The following ANKFY1 variants were observed in gnomAD, a reference collection of about 807,000 sequenced individuals.
The protein encoded by ANKFY1 is ankyrin repeat and FYVE domain-containing protein 1.
Under a neutral mutation model 128.3 loss-of-function variants are expected in ANKFY1, and 47 were observed. The ratio of observed to expected loss-of-function variants is 0.37; its 90% CI spans 0.29 to 0.47. The LOEUF is 0.47. ANKFY1 is among the 20% of genes least tolerant of loss of function. The pLI, the probability that ANKFY1 is intolerant of heterozygous loss-of-function variation, is 1.00. For synonymous variants in ANKFY1, 553 were observed against 601.6 expected, an observed-to-expected ratio of 0.92 and a Z score of 1.18; for missense variants, 1,222 against 1,510.6, an observed-to-expected ratio of 0.81 and a Z score of 3.17.
chr17:4,178,771 A>G lies in ANKFY1; in HGVS notation c.2598+86T>C. On this transcript the variant is annotated intron_variant, in intron 18 of 24. Coordinates refer to ENST00000341657, the MANE Select transcript of ANKFY1 (RefSeq NM_001330063.2). This position sits in a 1 kb window ranked among gnomAD's most constrained non-coding sequence, Gnocchi z 4.1. ...AAAACAAAGCTCTTTCCATGAGGAG[A>G]CCTGTTTAGTCGGTGACATCTGTCT... 7.7e-7 allele frequency: 1 copy of G among 1,301,562 alleles called. No homozygotes were observed. The highest frequency in any genetic ancestry group is 1.1e-6 in the Non-Finnish European group (1 of 912,542). The allele number at this position is 1,301,562 out of a possible 1,614,324, so 80.6% of individuals were successfully genotyped here.
chr17:4,186,944 A>G (rs2059622625), intron 11 of ANKFY1: 14 of 1,174,716 alleles, frequency 1.2e-5, no homozygotes, highest in Non-Finnish European at 1.4e-5. Flanking sequence ...TCCCACACAC[A>G]GGCTCCTCCT....
chr17:4,184,865 A>G lies in ANKFY1; in HGVS notation c.1652T>C (p.Ile551Thr). ...VHLQTPLHMA[I>T]AYNHPDVVSV... ...CACCACATCCGGATGGTTATAGGCGATCGCCATGTGCAGTGGCGTCTGCAG... is the reference window on the plus strand; with the variant it reads ...CACCACATCCGGATGGTTATAGGCGGTCGCCATGTGCAGTGGCGTCTGCAG... The change falls in exon 12 of 25, where the codon ATC (isoleucine) becomes ACC (threonine). Residue 551 changes from isoleucine (I) to threonine (T), a missense_variant. Ile to Thr is a moderately conservative substitution (Grantham distance 89). Transcript: ENST00000341657. 1 of 1,613,988 alleles carries G rather than the reference A, an allele frequency of 6.2e-7. No homozygotes were observed. The highest frequency in any genetic ancestry group is 8.5e-7 in the Non-Finnish European group (1 of 1,180,050).
chr17:4,211,337 C>T (rs1370331251), intron 4 of ANKFY1, among the ~76,000 whole-genome samples: 2 of 149,952 alleles, frequency 1.3e-5, no homozygotes, highest in East Asian at 3.9e-4. Flanking sequence ...GCAGAGGTTG[C>T]AGTGAGCTGA....
At chr17:4,175,346 GA>G (rs981352010) in intron 19 of ANKFY1, among the ~76,000 whole-genome samples, 7 of 130,700 alleles carry the variant, frequency 5.4e-5, no homozygotes, top group South Asian at 2.4e-4. Context: ...AAAGGAAAAA[GA>G]AAAAAAAAAG....
At chr17:4,239,953 C>T (rs1045190879) in intron 2 of ANKFY1, among the ~76,000 whole-genome samples, 5 of 152,144 alleles carry the variant, frequency 3.3e-5, no homozygotes, top group Non-Finnish European at 5.9e-5. Context: ...TTGCCACATC[C>T]AGCACCCCAA....
intron 3 of ANKFY1, among the ~76,000 whole-genome samples, chr17:4,221,044 G>C (rs1220147186): frequency 6.6e-6 from 1 of 152,238 alleles, no homozygotes; most frequent in Non-Finnish European, 1.5e-5. Flanking sequence ...CTGCAGGCCA[G>C]GATGCATGTA....
At chr17:4,198,056 G>T (rs866615199) in intron 7 of ANKFY1, among the ~76,000 whole-genome samples, 1 of 151,932 alleles carries the variant, frequency 6.6e-6, no homozygotes, top group East Asian at 1.9e-4. Flanking sequence ...TTGAACCCAG[G>T]GGGTGGAGGT....
intron 5 of ANKFY1, among the ~76,000 whole-genome samples, chr17:4,209,308 TG>T (rs901153134): frequency 1.7e-4 from 26 of 152,004 alleles, no homozygotes; most frequent in African/African-American, 5.5e-4. Flanking sequence ...CTATCTTTTT[TG>T]GGGGGGCGGG....
chr17:4,189,382 C>G lies in ANKFY1; in HGVS notation c.1470G>C (p.Trp490Cys), dbSNP rs1371958867. The change falls in exon 11 of 25, where the codon TGG becomes TGC. Residue 490 changes from tryptophan to cysteine, a missense_variant and splice_region_variant. Transcript: ENST00000341657. ...TCTCCGGCTGCCCTGTCACACTTAC[C>G]CACTTGTTTCTGTGGTTGACATGGG... ...NGAHVNHRNK[W>C]GETPLHTACR... 6.3e-7 allele frequency: 1 copy of G among 1,578,204 alleles called. No homozygotes were observed. Among genetic ancestry groups the G allele is most frequent in the African/African-American group, 1.3e-5 (1 of 74,150 alleles).
chr17:4,183,535 T>C lies in ANKFY1; in HGVS notation c.1815A>G (p.Ala605=), dbSNP rs1278559701. 6.2e-7 allele frequency: 1 copy of C among 1,612,368 alleles called. No homozygotes were observed. Among genetic ancestry groups the C allele is most frequent in the South Asian group, 1.1e-5 (1 of 90,994 alleles). ...LALWTGMHTI[A]AQLLGSGAAI... ...CGGCTCCAGAGCCCAGCAGCTGGGC[T>C]GCGATCGTGTGCATGCCTGGGAAAC... Residue 605 remains alanine (A), a synonymous_variant, in exon 14 of 25, where the codon GCA becomes GCG. Transcript: ENST00000341657.
At chr17:4,208,801 T>C (rs1249375193) in intron 5 of ANKFY1, among the ~76,000 whole-genome samples, 2 of 152,172 alleles carry the variant, frequency 1.3e-5, no homozygotes, top group African/African-American at 4.8e-5. Flanking sequence ...ACGCCTGTAC[T>C]CCCAGCACTT....
intron 3 of ANKFY1, among the ~76,000 whole-genome samples, chr17:4,235,357 A>AG (rs1358215944): frequency 6.7e-6 from 1 of 150,158 alleles, no homozygotes; most frequent in Admixed American, 6.6e-5. Flanking sequence ...AAAAAAAAAG[A>AG]AAAAAAAAGT....
At chr17:4,235,014 G>A (rs1348213276) in intron 3 of ANKFY1, among the ~76,000 whole-genome samples, 3 of 152,122 alleles carry the variant, frequency 2.0e-5, no homozygotes, top group Non-Finnish European at 4.4e-5. Context: ...TTATTCTTCA[G>A]AGTAACTATT....
intron 2 of ANKFY1, 133 bp downstream of exon 2, chr17:4,242,123 T>C (rs1967267490): frequency 4.3e-6 from 4 of 932,324 alleles, no homozygotes; most frequent in Admixed American, 3.2e-5. Context: ...TCAAGGAGCT[T>C]CTATTCTAGG....
intron 7 of ANKFY1, 34 bp downstream of exon 7, chr17:4,206,287 T>C (rs1197552857): frequency 1.3e-6 from 2 of 1,590,924 alleles, no homozygotes; most frequent in South Asian, 1.1e-5. Context: ...AAAAATAAAA[T>C]TGCCTGCAGG....
chr17:4,263,479 CCT>C, intron 1 of ANKFY1: 5 of 797,572 alleles, frequency 6.3e-6, no homozygotes, highest in Non-Finnish European at 7.3e-6. Context: ...CCCCACCCCA[CCT>C]CACCCCAACC....
At chr17:4,263,284 G>A (rs182321565) in intron 1 of ANKFY1, among the ~76,000 whole-genome samples, 3 of 152,344 alleles carry the variant, frequency 2.0e-5, no homozygotes, top group Non-Finnish European at 4.4e-5. Context: ...GGGAGGCAAA[G>A]GCACAGAGGT....
chr17:4,225,032 A>C (rs1276370602), intron 3 of ANKFY1, among the ~76,000 whole-genome samples: 1 of 149,442 alleles, frequency 6.7e-6, no homozygotes, highest in African/African-American at 2.5e-5. Flanking sequence ...ACACTTGAAA[A>C]ATTAAAGGAT....
chr17:4,199,598 T>C (rs929646944), intron 7 of ANKFY1, among the ~76,000 whole-genome samples: 13 of 152,238 alleles, frequency 8.5e-5, no homozygotes, highest in Non-Finnish European at 1.2e-4. Flanking sequence ...AGAATTAAGA[T>C]GAAAATGTTA....
Sources: allele counts gnomAD v4.1 joint callset (sites outside exome capture counted in the v4.1 genomes callset), GRCh38; gene constraint gnomAD v4.1.1; non-coding constraint Gnocchi (gnomAD v3.1); transcripts MANE v1.5; gene names NCBI Gene and HGNC (gene_info 2026-07-23, HGNC 2026-07-21).